DNER: variants seen among roughly 807,000 people sequenced by gnomAD.
DNER encodes delta/notch like EGF repeat containing, also known as delta and Notch-like epidermal growth factor-related receptor.
A neutral mutation model predicts 78.2 loss-of-function variants in DNER; 33 were observed. The ratio of observed to expected loss-of-function variants is 0.42; its 90% CI spans 0.32 to 0.56. DNER has a LOEUF of 0.56. DNER is among the 20% of genes least tolerant of loss of function. DNER has a pLI of 0.11. For missense variants in DNER, 918 were observed against 975.3 expected, an observed-to-expected ratio of 0.94 and a Z score of 0.78; for synonymous variants, 417 against 384.8, an observed-to-expected ratio of 1.08 and a Z score of -0.98.
intron 3 of DNER, among the ~76,000 whole-genome samples, chr2:229,587,495 G>T (rs1033949740): frequency 2.0e-5 from 3 of 152,036 alleles, no homozygotes; most frequent in Non-Finnish European, 4.4e-5. Flanking sequence ...TGTTTAGAAA[G>T]CCAGGTAGAC....
chr2:229,520,457 A>G (rs1696072650), intron 5 of DNER, among the ~76,000 whole-genome samples: 1 of 152,116 alleles, frequency 6.6e-6, no homozygotes, highest in Non-Finnish European at 1.5e-5. Context: ...CCTAATTCCA[A>G]ACTACATCCG....
intron 11 of DNER, among the ~76,000 whole-genome samples, chr2:229,376,897 T>C (rs931198144): frequency 6.6e-6 from 1 of 152,232 alleles, no homozygotes; most frequent in African/African-American, 2.4e-5. Flanking sequence ...GCCAACCTAT[T>C]TGTATAATAA....
chr2:229,513,051 C>A, intron 5 of DNER, 115 bp from the exon 6 acceptor site: 2 of 1,161,882 alleles, frequency 1.7e-6, no homozygotes, highest in Non-Finnish European at 1.2e-6. Flanking sequence ...GCAATTTAAT[C>A]AAATCACTTA....
At chr2:229,459,506 C>T (rs1694646119) in intron 7 of DNER, among the ~76,000 whole-genome samples, 1 of 152,038 alleles carries the variant, frequency 6.6e-6, no homozygotes. Context: ...TTCTTTCTTA[C>T]TTATCACAAC....
rs879372592 is a variant in DNER at position 229,483,402 on chromosome 2, T to C, written c.1148-6149A>G. Among the ~76,000 whole-genome samples the C allele has an allele frequency of 6.6e-5, 10 of 152,344 alleles. No individual in the cohort carries two copies. In the East Asian group the frequency reaches 1.9e-3, roughly 29 times the overall value. On this transcript the variant is annotated intron_variant, in intron 6 of 12. Transcript: ENST00000341772. ...CCACTTCGTGTCTGGTTTAAGCTAATCTGTGCCTATTGGTATGCAAAGAAT... is the reference window on the plus strand; with the variant it reads ...CCACTTCGTGTCTGGTTTAAGCTAACCTGTGCCTATTGGTATGCAAAGAAT...
At chr2:229,680,825 T>G (rs1699374124) in intron 1 of DNER, among the ~76,000 whole-genome samples, 1 of 152,214 alleles carries the variant, frequency 6.6e-6, no homozygotes, top group Non-Finnish European at 1.5e-5. Context: ...TTGAAAACCA[T>G]ATAGAGAACA....
chr2:229,615,569 G>C (rs4625897), intron 1 of DNER, among the ~76,000 whole-genome samples: 31,431 of 151,940 alleles, frequency 0.21, 3,786 homozygotes, highest in South Asian at 0.32. Flanking sequence ...AAAATTAGCC[G>C]GAAGTGGTGG....
rs190186919 is a variant in DNER, at chr2:229,597,894, G to A, written c.277-6006C>T. On this transcript the variant is annotated intron_variant, in intron 1 of 12. Transcript: ENST00000341772. ...ACTCTAACCAAGAGCAGTTCTGGGGGAATGGACTGAGTAAAATGGGAGGCC... is the reference window on the plus strand; with the variant it reads ...ACTCTAACCAAGAGCAGTTCTGGGGAAATGGACTGAGTAAAATGGGAGGCC... Among the ~76,000 whole-genome samples the A allele has an allele frequency of 2.2e-3, 338 of 152,306 alleles. 3 individuals are homozygous for A. Among genetic ancestry groups the A allele is most frequent in the Non-Finnish European group, 3.4e-3 (233 of 68,010 alleles).
chr2:229,512,698 T>G, intron 6 of DNER, 85 bp downstream of exon 6: 3 of 1,541,396 alleles, frequency 1.9e-6, no homozygotes, highest in Non-Finnish European at 2.6e-6. Flanking sequence ...CCACCTGTTC[T>G]CCAAAAACCT....
At chr2:229,375,675 C>T (rs1319266363) in intron 11 of DNER, among the ~76,000 whole-genome samples, 1 of 152,180 alleles carries the variant, frequency 6.6e-6, no homozygotes, top group East Asian at 1.9e-4. Flanking sequence ...CAACCAAAAT[C>T]AAAATATTAA....
At chr2:229,467,332 G>T (rs1694826745) in intron 7 of DNER, among the ~76,000 whole-genome samples, 1 of 152,168 alleles carries the variant, frequency 6.6e-6, no homozygotes, top group African/African-American at 2.4e-5. Flanking sequence ...TTATCATTAT[G>T]GTATCAGGTC....
At chr2:229,669,158 T>C (rs1205981059) in intron 1 of DNER, among the ~76,000 whole-genome samples, 2 of 151,196 alleles carry the variant, frequency 1.3e-5, no homozygotes, top group East Asian at 1.9e-4. Context: ...CAAGTGGGAG[T>C]TGAACAATGA....
At chr2:229,649,597 T>C (rs1200323748) in intron 1 of DNER, among the ~76,000 whole-genome samples, 1 of 152,216 alleles carries the variant, frequency 6.6e-6, no homozygotes, top group African/African-American at 2.4e-5. Flanking sequence ...CCATCACACC[T>C]GATGCTAGCT....
At chr2:229,461,208 C>A (rs763788925) in intron 7 of DNER, among the ~76,000 whole-genome samples, 3 of 152,060 alleles carry the variant, frequency 2.0e-5, no homozygotes, top group Admixed American at 2.0e-4. Context: ...TATAAATATA[C>A]AGACATACAT....
intron 4 of DNER, among the ~76,000 whole-genome samples, chr2:229,551,921 A>C (rs998542829): frequency 4.0e-5 from 6 of 151,402 alleles, no homozygotes; most frequent in Non-Finnish European, 8.8e-5. Context: ...ACAGAGTGAG[A>C]CTCCATCTCA....
intron 6 of DNER, among the ~76,000 whole-genome samples, chr2:229,494,401 T>C (rs192259455): frequency 6.6e-6 from 1 of 152,306 alleles, no homozygotes; most frequent in East Asian, 1.9e-4. Flanking sequence ...GTAGGATAGA[T>C]ATTCCCATTC....
intron 8 of DNER, among the ~76,000 whole-genome samples, chr2:229,442,627 T>C (rs1180402039): frequency 6.6e-6 from 1 of 152,248 alleles, no homozygotes; most frequent in African/African-American, 2.4e-5. Context: ...CACATGGGCC[T>C]TAGTGAGCTA....
intron 10 of DNER, among the ~76,000 whole-genome samples, chr2:229,395,336 C>A (rs921638678): frequency 5.3e-5 from 8 of 152,164 alleles, no homozygotes; most frequent in Non-Finnish European, 1.0e-4. Context: ...CAGAAACATG[C>A]CCTACTATGG....
chr2:229,690,417 A>G lies in DNER; in HGVS notation c.276+23731T>C, dbSNP rs1172168180. On this transcript the variant is annotated intron_variant, in intron 1 of 12. Coordinates refer to ENST00000341772, the MANE Select transcript of DNER (RefSeq NM_139072.4). The stretch of plus-strand genomic sequence containing the variant: ...GAAAAGTCACTTAACCTTCTTGAGC[A>G]TGTTTTCCCGTCTAGTTAGTAACAA... 2.0e-5 allele frequency among the ~76,000 whole-genome samples: 3 copies of G among 152,246 alleles called. No individual in the cohort carries two copies. The East Asian group carries it at 5.8e-4, about 29-fold the overall frequency.
Sources: allele counts gnomAD v4.1 joint callset (sites outside exome capture counted in the v4.1 genomes callset), GRCh38; gene constraint gnomAD v4.1.1; transcripts MANE v1.5; gene names NCBI Gene and HGNC (gene_info 2026-07-23, HGNC 2026-07-21).